MGAT5B: variants seen among roughly 807,000 people sequenced by gnomAD.
The protein encoded by MGAT5B is alpha-1,6-mannosylglycoprotein 6-beta-N-acetylglucosaminyltransferase B.
In MGAT5B, 54 loss-of-function variants were observed where a neutral mutation model predicts 95.1. The ratio of observed to expected loss-of-function variants is 0.57; its 90% CI spans 0.46 to 0.71. MGAT5B has a LOEUF of 0.71. MGAT5B is among the 30% of genes least tolerant of loss of function. MGAT5B has a pLI of 0.00. For missense variants in MGAT5B, 935 were observed against 1,088.6 expected (o/e 0.86, Z 1.99); for synonymous variants, 464 against 451.0 (o/e 1.03, Z -0.36).
At chr17:76,927,718 G>A (rs143904885) in intron 10 of MGAT5B, among the ~76,000 whole-genome samples, 1,681 of 152,300 alleles carry the variant, frequency 0.011, 47 homozygotes, top group Admixed American at 0.054. Flanking sequence ...TCCCCTCCTC[G>A]TGTCTGGTTC....
Position 76,925,017 on chromosome 17 carries a change from G to C in MGAT5B, c.1077G>C (p.Leu359=). ...GRGSCPLTMP[L]PFDLIYTDYH... ...GAAGCTGCCCGCTCACCATGCCCCT[G>C]CCCTTCGACCTCATCTACACCGACT... Residue 359 remains leucine, a synonymous_variant, in exon 9 of 18, where the codon CTG becomes CTC. Transcript: ENST00000569840. The C allele has an allele frequency of 6.2e-7, 1 of 1,610,088 alleles. No individual in the cohort carries two copies. Among genetic ancestry groups the C allele is most frequent in the Non-Finnish European group, 8.5e-7 (1 of 1,178,586 alleles).
At chr17:76,929,234 A>T (rs1336116841) in intron 10 of MGAT5B, among the ~76,000 whole-genome samples, 1 of 152,096 alleles carries the variant, frequency 6.6e-6, no homozygotes, top group East Asian at 1.9e-4. Flanking sequence ...TGAAGCAGGG[A>T]GGAGGGGGAA....
At chr17:76,934,910 G>A (rs1176174538) in intron 12 of MGAT5B, among the ~76,000 whole-genome samples, 1 of 152,144 alleles carries the variant, frequency 6.6e-6, no homozygotes, top group Non-Finnish European at 1.5e-5. Context: ...GGGATCAGGT[G>A]GCCGAGAAGC....
At chr17:76,932,599 C>G (rs1165926951) in intron 10 of MGAT5B, 46 bp from the exon 11 acceptor site, 2 of 1,610,310 alleles carry the variant, frequency 1.2e-6, no homozygotes, top group Non-Finnish European at 8.5e-7. Context: ...TGGGGCTGCC[C>G]TTGGTTGTTT....
Position 76,868,911 on chromosome 17 carries a change from G to A in MGAT5B, c.-119G>A. ...GAGGCCACCGGGCCGCGCGCTCCCA[G>A]CTTCGCTCGGACGCGGCTTCGGCCC... On this transcript the variant is annotated 5_prime_UTR_variant, in exon 1 of 18. Transcript: ENST00000569840. The surrounding 1 kb of genome is among the most constrained non-coding windows in gnomAD (Gnocchi z 6.3). The A allele has an allele frequency of 1.1e-6, 1 of 931,634 alleles. No individual in the cohort carries two copies. The highest frequency in any genetic ancestry group is 1.7e-5 in the African/African-American group (1 of 57,666). The allele number at this position is 931,634 out of a possible 1,614,324, so 57.7% of individuals were successfully genotyped here.
intron 11 of MGAT5B, 56 bp downstream of exon 11, chr17:76,932,831 C>G: frequency 1.3e-6 from 2 of 1,595,610 alleles, no homozygotes; most frequent in Admixed American, 1.8e-5. Context: ...AGGCCCCCGC[C>G]TGGGTCCCGC....
intron 3 of MGAT5B, among the ~76,000 whole-genome samples, chr17:76,902,149 C>T (rs1968336191): frequency 6.6e-6 from 1 of 152,180 alleles, no homozygotes; most frequent in South Asian, 2.1e-4. Context: ...GGCACCTGTA[C>T]AGTTGTGGGC....
intron 2 of MGAT5B, among the ~76,000 whole-genome samples, chr17:76,878,051 A>G (rs1967257860): frequency 6.6e-6 from 1 of 152,100 alleles, no homozygotes. Flanking sequence ...ATTTCAATTT[A>G]GCTGATGCCA....
chr17:76,942,550 A>G (rs907092551), intron 15 of MGAT5B, among the ~76,000 whole-genome samples: 28 of 152,172 alleles, frequency 1.8e-4, no homozygotes, highest in African/African-American at 6.8e-4. Context: ...AAAGATAAAT[A>G]GGAACTTGGC....
chr17:76,902,509 T>G (rs754138500), intron 3 of MGAT5B, 46 bp from the exon 4 acceptor site: 1 of 1,449,086 alleles, frequency 6.9e-7, no homozygotes, highest in Non-Finnish European at 9.4e-7. Flanking sequence ...CATGGGAAGG[T>G]CACCCCGGCC....
At chr17:76,900,941 G>A (rs913191201) in intron 3 of MGAT5B, among the ~76,000 whole-genome samples, 2 of 149,444 alleles carry the variant, frequency 1.3e-5, no homozygotes, top group Non-Finnish European at 3.0e-5. Context: ...GCGTGTTTGT[G>A]TGTGAGTGTG....
rs184060308 is a variant in MGAT5B, at chr17:76,940,699, G to A, written c.1732-33G>A. Reference sequence around the variant, plus strand: ...TTGTCCCTGTCCCACTGGCAGGCACGGGGGGCATCTGCAATCTCTGTACCC... The same window carrying A: ...TTGTCCCTGTCCCACTGGCAGGCACAGGGGGCATCTGCAATCTCTGTACCC... On this transcript the variant is annotated intron_variant, in intron 14 of 17. Coordinates refer to ENST00000569840, the MANE Select transcript of MGAT5B (RefSeq NM_001199172.2). This position sits in a 1 kb window ranked among gnomAD's most constrained non-coding sequence, Gnocchi z 4.3. The A allele has an allele frequency of 1.9e-5, 31 of 1,607,012 alleles. No individual in the cohort carries two copies. The East Asian group carries it at 5.4e-4, about 28-fold the overall frequency.
intron 3 of MGAT5B, among the ~76,000 whole-genome samples, chr17:76,887,937 C>T (rs544413642): frequency 2.6e-5 from 4 of 151,950 alleles, no homozygotes; most frequent in African/African-American, 7.3e-5. Flanking sequence ...CCAGCTCACT[C>T]GAGTAAGAGC....
chr17:76,935,547 A>AT (rs935642306), intron 12 of MGAT5B, among the ~76,000 whole-genome samples: 2 of 137,502 alleles, frequency 1.5e-5, no homozygotes, highest in African/African-American at 5.3e-5. Flanking sequence ...TTAAACTAGC[A>AT]TTTTCCTAAT....
rs1050275435 is a variant in MGAT5B at position 76,902,565 on chromosome 17, G to T, written c.340G>T (p.Gly114Trp). ...LHFPADRMPP[G>W]AGLMERIQAI... The stretch of plus-strand genomic sequence containing the variant: ...GCTTTTCCCACTTAGGATGCCCCCT[G>T]GGGCCGGCCTCATGGAGCGGATCCA... The change falls in exon 4 of 18, where the codon GGG (glycine) becomes TGG (tryptophan). Residue 114 changes from glycine to tryptophan, a missense_variant. Gly to Trp is a radical substitution (Grantham distance 184, BLOSUM62 -2). This residue lies in a region of MGAT5B where 243 missense variants were observed against 228.2 expected (regional missense o/e 1.06). Transcript: ENST00000569840. 6.9e-6 allele frequency: 11 copies of T among 1,592,090 alleles called. No individual in the cohort carries two copies. The highest frequency in any genetic ancestry group is 8.6e-6 in the Non-Finnish European group (10 of 1,168,528).
chr17:76,932,827 C>G, intron 11 of MGAT5B, 52 bp downstream of exon 11: 1 of 1,597,618 alleles, frequency 6.3e-7, no homozygotes, highest in East Asian at 2.2e-5. Flanking sequence ...GCACAGGCCC[C>G]CGCCTGGGTC....
rs1968940280 is a variant in MGAT5B, at chr17:76,916,391, G to T, written c.1026-8575G>T. On this transcript the variant is annotated intron_variant, in intron 8 of 17. Transcript: ENST00000569840. The surrounding 1 kb of genome is among the most constrained non-coding windows in gnomAD (Gnocchi z 5.3). ...TGTCGCCTTTCCCAGCTCTGGCCTG[G>T]CCTGTGTTGGGGAGGGCTGCAAGGG... Among the ~76,000 whole-genome samples, 1 of 152,244 alleles carries T rather than the reference G, an allele frequency of 6.6e-6. No homozygotes were observed. The highest frequency in any genetic ancestry group is 6.5e-5 in the Admixed American group (1 of 15,288).
intron 10 of MGAT5B, among the ~76,000 whole-genome samples, chr17:76,929,932 T>C (rs1038673068): frequency 3.4e-4 from 52 of 152,140 alleles, no homozygotes; most frequent in African/African-American, 1.2e-3. Flanking sequence ...ATGAAGGCAG[T>C]TTAGTGAAAG....
At chr17:76,899,996 C>G (rs549885236) in intron 3 of MGAT5B, among the ~76,000 whole-genome samples, 1 of 152,344 alleles carries the variant, frequency 6.6e-6, no homozygotes, top group South Asian at 2.1e-4. Context: ...CGAATGCAAA[C>G]AGTGCTGATG....
Sources: gnomAD v4.1 joint callset for allele counts (sites outside exome capture counted in the v4.1 genomes callset) on GRCh38, gnomAD v4.1.1 for gene constraint, gnomAD v4.1.1 regional missense constraint, Gnocchi (gnomAD v3.1) non-coding constraint, MANE v1.5 for transcripts, NCBI Gene and HGNC (gene_info 2026-07-23, HGNC 2026-07-21) for gene names.